HNRNPC: variants seen among roughly 807,000 people sequenced by gnomAD.
HNRNPC encodes heterogeneous nuclear ribonucleoprotein C, also known as heterogeneous nuclear ribonucleoproteins C1/C2.
Under a neutral mutation model 33.2 loss-of-function variants are expected in HNRNPC, and 3 were observed. The ratio of observed to expected loss-of-function variants is 0.09; its 90% CI spans 0.04 to 0.23. HNRNPC has a LOEUF of 0.23. HNRNPC is among the 10% of genes least tolerant of loss of function. The pLI, the probability that HNRNPC is intolerant of heterozygous loss-of-function variation, is 1.00. For missense variants in HNRNPC, 143 were observed against 366.7 expected (o/e 0.39, Z 4.98); for synonymous variants, 121 against 126.7 (o/e 0.96, Z 0.30).
At chr14:21,230,701 G>A (rs2139632036) in intron 4 of HNRNPC, 2 of 473,656 alleles carry the variant, frequency 4.2e-6, no homozygotes, top group Non-Finnish European at 7.4e-6. Context: ...GAAGCTCAAC[G>A]ATCCTGTATA....
chr14:21,231,559 CA>C (rs2139639163), intron 3 of HNRNPC: 1 of 351,816 alleles, frequency 2.8e-6, no homozygotes, highest in East Asian at 7.7e-5. Context: ...CTTGACCTCC[CA>C]AAGTGCTGGA....
At chr14:21,230,739 A>C in intron 4 of HNRNPC, 1 of 511,466 alleles carries the variant, frequency 2.0e-6, no homozygotes, top group Non-Finnish European at 3.4e-6. Context: ...TATAAATATC[A>C]AACTACTCTT....
chr14:21,241,523 T>C (rs533008584), intron 2 of HNRNPC, among the ~76,000 whole-genome samples: 3 of 152,366 alleles, frequency 2.0e-5, no homozygotes, highest in South Asian at 2.1e-4. Flanking sequence ...TTGGATACTA[T>C]AAATTCCTCT....
chr14:21,258,589 G>A (rs948269410), intron 2 of HNRNPC, among the ~76,000 whole-genome samples: 5 of 151,860 alleles, frequency 3.3e-5, no homozygotes, highest in African/African-American at 1.2e-4. Context: ...CCTACTCAAG[G>A]TTTTGATGAT....
At chr14:21,244,091 C>T (rs979221133) in intron 2 of HNRNPC, among the ~76,000 whole-genome samples, 1 of 151,072 alleles carries the variant, frequency 6.6e-6, no homozygotes, top group African/African-American at 2.4e-5. Context: ...TGCAGTGTTG[C>T]GATCTTCGAT....
At chr14:21,214,688 T>C (rs905550678) in intron 5 of HNRNPC, among the ~76,000 whole-genome samples, 3 of 152,272 alleles carry the variant, frequency 2.0e-5, no homozygotes, top group African/African-American at 7.2e-5. Context: ...AGTAACTTTT[T>C]ATTATCACTA....
chr14:21,235,389 T>G (rs1447492166), intron 2 of HNRNPC, among the ~76,000 whole-genome samples: 1 of 152,176 alleles, frequency 6.6e-6, no homozygotes, highest in Non-Finnish European at 1.5e-5. Flanking sequence ...TGTATACATA[T>G]ATGTACATAA....
chr14:21,253,651 C>G (rs930387057), intron 2 of HNRNPC, among the ~76,000 whole-genome samples: 2 of 151,918 alleles, frequency 1.3e-5, no homozygotes, highest in African/African-American at 2.4e-5. Context: ...AATACAGGGT[C>G]AAATCTTAAA....
intron 2 of HNRNPC, among the ~76,000 whole-genome samples, chr14:21,243,356 A>G (rs1269507362): frequency 2.0e-5 from 3 of 152,178 alleles, no homozygotes; most frequent in African/African-American, 7.2e-5. Flanking sequence ...CATTCAGGAG[A>G]AAAGTGTAGA....
chr14:21,251,281 A>AAAAAAG lies in HNRNPC; in HGVS notation c.-37+12029_-37+12030insCTTTTT, dbSNP rs1396702674. Among the ~76,000 whole-genome samples, 213 of 148,952 alleles carry AAAAAAG rather than the reference A, an allele frequency of 1.4e-3. 1 individual carries two copies. Among genetic ancestry groups the AAAAAAG allele is most frequent in the African/African-American group, 3.9e-3 (154 of 39,670 alleles). ...CTCTCAAAAAAAAAAAAAAAAAAAA[A>AAAAAAG]AAAGACTTCATTTCCTTGTTATCTT... On this transcript the variant is annotated intron_variant, in intron 2 of 8. Transcript: ENST00000553300.
At chr14:21,238,173 C>A (rs1894934575) in intron 2 of HNRNPC, among the ~76,000 whole-genome samples, 1 of 152,184 alleles carries the variant, frequency 6.6e-6, no homozygotes, top group African/African-American at 2.4e-5. Flanking sequence ...TCATACAGAT[C>A]TAAATTACTT....
chr14:21,248,752 C>G (rs1193086863), intron 2 of HNRNPC, among the ~76,000 whole-genome samples: 1 of 152,154 alleles, frequency 6.6e-6, no homozygotes. Flanking sequence ...AAGCAATGGT[C>G]AAAATAAATG....
intron 2 of HNRNPC, among the ~76,000 whole-genome samples, chr14:21,250,165 A>G (rs1203322031): frequency 2.0e-5 from 3 of 152,012 alleles, no homozygotes; most frequent in Admixed American, 1.3e-4. Flanking sequence ...AGGCAGGGGA[A>G]TTGCTGTAAC....
chr14:21,250,584 A>G (rs905546715), intron 2 of HNRNPC, among the ~76,000 whole-genome samples: 2 of 152,070 alleles, frequency 1.3e-5, no homozygotes, highest in Non-Finnish European at 2.9e-5. Flanking sequence ...TCAGAACAGC[A>G]TATGTATCTC....
chr14:21,223,708 A>C (rs575958076), intron 5 of HNRNPC, among the ~76,000 whole-genome samples: 1 of 152,190 alleles, frequency 6.6e-6, no homozygotes, highest in African/African-American at 2.4e-5. Context: ...GTGATGCGCC[A>C]CTGCACTCGA....
At chr14:21,255,779 CTT>C (rs1250845769) in intron 2 of HNRNPC, among the ~76,000 whole-genome samples, 1 of 152,166 alleles carries the variant, frequency 6.6e-6, no homozygotes, top group Non-Finnish European at 1.5e-5. Context: ...GGACATATCT[CTT>C]ATGTCTTTAC....
intron 2 of HNRNPC, among the ~76,000 whole-genome samples, chr14:21,259,899 A>G (rs1229315013): frequency 6.9e-6 from 1 of 144,768 alleles, no homozygotes; most frequent in Non-Finnish European, 1.5e-5. Context: ...AAAAAAAAAC[A>G]ATAAAAAATA....
intron 2 of HNRNPC, among the ~76,000 whole-genome samples, chr14:21,247,281 C>T (rs557468935): frequency 2.0e-5 from 3 of 152,270 alleles, no homozygotes; most frequent in East Asian, 1.9e-4. Flanking sequence ...ATAGCTCCAG[C>T]GTTAAGAAAA....
At chr14:21,251,118 G>A (rs186634973) in intron 2 of HNRNPC, among the ~76,000 whole-genome samples, 123 of 151,862 alleles carry the variant, frequency 8.1e-4, no homozygotes, top group Middle Eastern at 3.4e-3. Context: ...AAAATTAGCC[G>A]GGCATGGTGG....
Sources: allele counts gnomAD v4.1 joint callset (sites outside exome capture counted in the v4.1 genomes callset), GRCh38; gene constraint gnomAD v4.1.1; transcripts MANE v1.5; gene names NCBI Gene and HGNC (gene_info 2026-07-23, HGNC 2026-07-21).